Variants in LDAH observed in about 807,000 individuals in gnomAD.
The protein encoded by LDAH is lipid droplet associated hydrolase.
Under a neutral mutation model 29.6 loss-of-function variants are expected in LDAH, and 26 were observed. The ratio of observed to expected loss-of-function variants is 0.88; its 90% CI spans 0.64 to 1.22. The LOEUF (loss-of-function observed/expected upper bound fraction) is 1.22, where lower values mean the gene tolerates loss of function less well. Ranked by LOEUF, LDAH falls within the 50% of genes most tolerant of loss-of-function variation. LDAH has a pLI of 0.00. For missense variants in LDAH, 344 were observed against 387.3 expected (o/e 0.89, Z 0.94); for synonymous variants, 117 against 133.0 (o/e 0.88, Z 0.83).
At position 20,701,561 on chromosome 2, in the gene LDAH, A is replaced by T. The variant is rs772285131; in HGVS notation, c.786+9T>A. The T allele has an allele frequency of 6.8e-6, 11 of 1,612,194 alleles. No homozygotes were observed. The highest frequency in any genetic ancestry group is 9.3e-6 in the Non-Finnish European group (11 of 1,178,348). ...ATTATCTATCCCCTTGCAGCACTAA[A>T]GTGATTACCTTACATAAATGCTCCT... is the stretch of plus-strand genomic sequence containing the variant. On this transcript the variant is annotated intron_variant, in intron 6 of 6. Coordinates refer to ENST00000237822, the MANE Select transcript of LDAH (RefSeq NM_021925.4).
At chr2:20,687,115 C>A (rs1260371678) in intron 6 of LDAH, 21 bp from the exon 7 acceptor site, 26 of 1,591,118 alleles carry the variant, frequency 1.6e-5, no homozygotes, top group Non-Finnish European at 2.1e-5. Context: ...AGACAAAAAC[C>A]TTTTATTAGA....
At chr2:20,713,942 A>C (rs912136220) in intron 5 of LDAH, among the ~76,000 whole-genome samples, 4 of 152,214 alleles carry the variant, frequency 2.6e-5, no homozygotes, top group African/African-American at 4.8e-5. Context: ...GGAGACTTTA[A>C]CACCCCACTG....
chr2:20,691,744 C>A (rs1215732961), intron 6 of LDAH, among the ~76,000 whole-genome samples: 1 of 152,174 alleles, frequency 6.6e-6, no homozygotes, highest in Non-Finnish European at 1.5e-5. Flanking sequence ...TCCAAATTGT[C>A]ATGTTAAGTA....
chr2:20,799,399 TG>T (rs1336576434), intron 2 of LDAH, among the ~76,000 whole-genome samples: 4 of 152,314 alleles, frequency 2.6e-5, no homozygotes, highest in Middle Eastern at 3.4e-3. Flanking sequence ...GGGGTACATG[TG>T]ATATTTCGTT....
At chr2:20,691,307 T>C (rs1167390008) in intron 6 of LDAH, among the ~76,000 whole-genome samples, 1 of 152,152 alleles carries the variant, frequency 6.6e-6, no homozygotes. Context: ...CCAGGGTAGC[T>C]GGAATCACAA....
At chr2:20,739,487 C>T (rs1667025407) in intron 5 of LDAH, among the ~76,000 whole-genome samples, 1 of 152,182 alleles carries the variant, frequency 6.6e-6, no homozygotes, top group African/African-American at 2.4e-5. Context: ...ATCAGCAAAG[C>T]ACCCAGTATT....
chr2:20,771,713 C>G (rs1046135380), intron 4 of LDAH, among the ~76,000 whole-genome samples: 1 of 152,184 alleles, frequency 6.6e-6, no homozygotes, highest in Non-Finnish European at 1.5e-5. Flanking sequence ...ATTTAAAAAT[C>G]ATACAGATGT....
chr2:20,783,026 T>C (rs1293839009), intron 3 of LDAH, among the ~76,000 whole-genome samples: 1 of 152,230 alleles, frequency 6.6e-6, no homozygotes, highest in East Asian at 1.9e-4. Context: ...ATTTCCACTT[T>C]TATTTTGCTC....
At chr2:20,722,307 G>A (rs1283231039) in intron 5 of LDAH, among the ~76,000 whole-genome samples, 1 of 150,902 alleles carries the variant, frequency 6.6e-6, no homozygotes, top group Non-Finnish European at 1.5e-5. Context: ...TTAAACCCGG[G>A]AGGCAGAGTT....
chr2:20,779,465 T>C (rs998132850), intron 3 of LDAH, among the ~76,000 whole-genome samples: 1 of 152,064 alleles, frequency 6.6e-6, no homozygotes, highest in Non-Finnish European at 1.5e-5. Context: ...GTATACCTTT[T>C]TTTTTAAGAA....
At chr2:20,730,969 G>C (rs1666361551) in intron 5 of LDAH, among the ~76,000 whole-genome samples, 1 of 152,144 alleles carries the variant, frequency 6.6e-6, no homozygotes, top group Non-Finnish European at 1.5e-5. Context: ...CTTGCAACCA[G>C]ACAGACTCAC....
intron 6 of LDAH, among the ~76,000 whole-genome samples, chr2:20,700,130 A>C (rs1430417741): frequency 6.6e-6 from 1 of 152,246 alleles, no homozygotes; most frequent in Non-Finnish European, 1.5e-5. Flanking sequence ...ATTCACTTAC[A>C]GTTTAAATGG....
chr2:20,731,431 G>A (rs1371856777), intron 5 of LDAH, among the ~76,000 whole-genome samples: 1 of 152,164 alleles, frequency 6.6e-6, no homozygotes, highest in Non-Finnish European at 1.5e-5. Flanking sequence ...GCTACTTGAG[G>A]CGTCCGCAGA....
intron 2 of LDAH, among the ~76,000 whole-genome samples, chr2:20,800,858 T>G (rs1671609831): frequency 6.6e-6 from 1 of 152,078 alleles, no homozygotes; most frequent in African/African-American, 2.4e-5. Context: ...GGTCTTGATC[T>G]CCTGACCTTG....
intron 4 of LDAH, among the ~76,000 whole-genome samples, chr2:20,747,292 TCA>T (rs1667636090): frequency 6.6e-6 from 1 of 152,076 alleles, no homozygotes; most frequent in Non-Finnish European, 1.5e-5. Flanking sequence ...TTCAACATCT[TCA>T]AAAAAACATT....
At chr2:20,770,438 C>T (rs1460788322) in intron 4 of LDAH, among the ~76,000 whole-genome samples, 1 of 152,044 alleles carries the variant, frequency 6.6e-6, no homozygotes, top group East Asian at 1.9e-4. Context: ...AAGTTCACCC[C>T]AAGACTCAGT....
intron 6 of LDAH, among the ~76,000 whole-genome samples, chr2:20,693,416 T>C (rs148670986): frequency 6.6e-6 from 1 of 152,294 alleles, no homozygotes; most frequent in Non-Finnish European, 1.5e-5. Context: ...TTTTAAAATA[T>C]AAAACAAAGT....
At chr2:20,733,983 C>T (rs1666604622) in intron 5 of LDAH, among the ~76,000 whole-genome samples, 1 of 152,086 alleles carries the variant, frequency 6.6e-6, no homozygotes, top group Non-Finnish European at 1.5e-5. Context: ...CCACTGTGGT[C>T]ACTGAACATA....
At position 20,686,686 on chromosome 2, in the gene LDAH, T is replaced by A. The variant is rs1269655292; in HGVS notation, c.*217A>T. The A allele has an allele frequency of 3.1e-6, 1 of 325,658 alleles. No individual in the cohort carries two copies. Among genetic ancestry groups the A allele is most frequent in the Non-Finnish European group, 5.5e-6 (1 of 182,172 alleles). The allele number at this position is 325,658 out of a possible 1,614,324, so 20.2% of individuals were successfully genotyped here. A position where few individuals can be genotyped will look rare whatever the true frequency, so the allele number is the denominator to read the frequency against. On this transcript the variant is annotated 3_prime_UTR_variant, in exon 7 of 7. Coordinates refer to ENST00000237822, the MANE Select transcript of LDAH (RefSeq NM_021925.4). ...ACTCTGTGTAGATCACTGTGTTCCC[T>A]GAGTCTTGGAAAATGTATGGTTAAA...
Sources: allele counts gnomAD v4.1 joint callset (sites outside exome capture counted in the v4.1 genomes callset), GRCh38; gene constraint gnomAD v4.1.1; transcripts MANE v1.5; gene names NCBI Gene and HGNC (gene_info 2026-07-23, HGNC 2026-07-21).